Variants in USP43 observed in about 807,000 individuals in gnomAD.
USP43 encodes the protein ubiquitin carboxyl-terminal hydrolase 43.
Under a neutral mutation model 90.7 loss-of-function variants are expected in USP43, and 33 were observed. The observed-to-expected ratio is 0.36, with a 90% CI of 0.28 to 0.49. The LOEUF is 0.49. USP43 is among the 20% of genes least tolerant of loss of function. The probability of loss-of-function intolerance (pLI) is 0.98; values close to 1 mark genes in which losing one functional copy is unlikely to be tolerated. For missense variants in USP43, 1,274 were observed against 1,476.4 expected (o/e 0.86, Z 2.25); for synonymous variants, 598 against 615.8 (o/e 0.97, Z 0.43).
In USP43 at chr17:9,709,638, C is replaced by T. The variant is rs1916071394; in HGVS notation, c.2012-318C>T. Among the ~76,000 whole-genome samples, 1 of 152,068 alleles carries T rather than the reference C, an allele frequency of 6.6e-6. No homozygotes were observed. The highest frequency in any genetic ancestry group is 6.6e-5 in the Admixed American group (1 of 15,260). On this transcript the variant is annotated intron_variant, in intron 12 of 14. Coordinates refer to ENST00000285199, the MANE Select transcript of USP43 (RefSeq NM_153210.5). This position sits in a 1 kb window ranked among gnomAD's most constrained non-coding sequence, Gnocchi z 5.0. ...GGCTGAGGCAGGAGAATCACTGGAA[C>T]CCGGGGGGTGGAGGTTGCCGTGAGC...
chr17:9,717,228 C>T (rs540722739), intron 14 of USP43, among the ~76,000 whole-genome samples: 7 of 150,538 alleles, frequency 4.6e-5, no homozygotes, highest in African/African-American at 1.2e-4. Context: ...TATTGCGGTT[C>T]GGTTTCAGAG....
At chr17:9,698,958 G>A (rs1254557550) in intron 9 of USP43, among the ~76,000 whole-genome samples, 4 of 152,180 alleles carry the variant, frequency 2.6e-5, no homozygotes, top group African/African-American at 9.7e-5. Flanking sequence ...CTCCCTCATT[G>A]TGGAAATGGA....
intron 3 of USP43, among the ~76,000 whole-genome samples, chr17:9,671,279 A>AGT (rs61191393): frequency 0.011 from 1,655 of 149,664 alleles, 28 homozygotes; most frequent in African/African-American, 0.035. Context: ...TGGAGGAGGG[A>AGT]GTGTGTGTGT....
chr17:9,681,506 A>T (rs1432481402), intron 6 of USP43, among the ~76,000 whole-genome samples: 2 of 101,016 alleles, frequency 2.0e-5, no homozygotes, highest in Non-Finnish European at 3.9e-5. Flanking sequence ...ATATATATAT[A>T]TATTTGAGAT....
chr17:9,663,707 T>C (rs1435934763), intron 2 of USP43, among the ~76,000 whole-genome samples: 9 of 152,216 alleles, frequency 5.9e-5, no homozygotes, highest in Non-Finnish European at 1.3e-4. Flanking sequence ...CACTGCAACC[T>C]CTGCCTCCAG....
chr17:9,673,242 C>A (rs1375984658), intron 3 of USP43, among the ~76,000 whole-genome samples: 1 of 152,198 alleles, frequency 6.6e-6, no homozygotes, highest in Non-Finnish European at 1.5e-5. Context: ...GGCAGTGGCT[C>A]ACGCCTGTAA....
At chr17:9,707,047 T>G (rs1915925201) in intron 12 of USP43, among the ~76,000 whole-genome samples, 1 of 152,238 alleles carries the variant, frequency 6.6e-6, no homozygotes, top group South Asian at 2.1e-4. Context: ...ATAAATGCTA[T>G]CATACCATAG....
chr17:9,662,312 G>A (rs1256906035), intron 2 of USP43, among the ~76,000 whole-genome samples: 1 of 152,166 alleles, frequency 6.6e-6, no homozygotes, highest in Non-Finnish European at 1.5e-5. Context: ...GGTCCGCTAT[G>A]CATCCAAGTT....
At chr17:9,664,004 C>T (rs1012375376) in intron 2 of USP43, among the ~76,000 whole-genome samples, 1 of 152,188 alleles carries the variant, frequency 6.6e-6, no homozygotes, top group Non-Finnish European at 1.5e-5. Flanking sequence ...AGCCCCCACC[C>T]ACTGTGGCAC....
chr17:9,720,652 C>G (rs1181593463), intron 14 of USP43, among the ~76,000 whole-genome samples: 1 of 152,072 alleles, frequency 6.6e-6, no homozygotes, highest in African/African-American at 2.4e-5. Context: ...CCACGCCCGG[C>G]TAATTTTGTA....
intron 14 of USP43, among the ~76,000 whole-genome samples, chr17:9,717,152 C>T (rs1215381935): frequency 7.1e-6 from 1 of 139,948 alleles, no homozygotes; most frequent in Non-Finnish European, 1.5e-5. Context: ...GAGCGAGACT[C>T]CCTCTCAAAA....
chr17:9,682,991 G>A, intron 7 of USP43, 33 bp downstream of exon 7: 8 of 1,605,604 alleles, frequency 5.0e-6, no homozygotes, highest in Non-Finnish European at 6.8e-6. Context: ...TTCATGTGGT[G>A]TCTGGGATTT....
rs202041686 is a variant in USP43, at chr17:9,706,737, G to A, written c.2012-3219G>A. Among the ~76,000 whole-genome samples the A allele has an allele frequency of 1.2e-4, 17 of 142,034 alleles. No individual in the cohort carries two copies. In the East Asian group the frequency reaches 2.0e-3, roughly 16 times the overall value. The allele number at this position is 142,034 out of a possible 152,430, so 93.2% of individuals were successfully genotyped here. A position where few individuals can be genotyped will look rare whatever the true frequency, so the allele number is the denominator to read the frequency against. On this transcript the variant is annotated intron_variant, in intron 12 of 14. Coordinates refer to ENST00000285199, the MANE Select transcript of USP43 (RefSeq NM_153210.5). ...CGGCTCACTGCAACCTCTGCCTCCC[G>A]GGTTCTAGTGATTCTCCTGCCTCAG...
intron 1 of USP43, among the ~76,000 whole-genome samples, chr17:9,646,569 T>G (rs1482941651): frequency 1.3e-5 from 2 of 152,054 alleles, no homozygotes; most frequent in African/African-American, 2.4e-5. Context: ...AAGGATGCAG[T>G]CAGGGCAAGC....
Position 9,709,930 on chromosome 17 carries a change from C to T in USP43, c.2012-26C>T. On this transcript the variant is annotated intron_variant, in intron 12 of 14. Transcript: ENST00000285199. This position sits in a 1 kb window ranked among gnomAD's most constrained non-coding sequence, Gnocchi z 5.0. ...CCTACCTTTTGGGGCTCCAATAACT[C>T]AGACTTGGGGATGGGACCTTTGCAG... 1.4e-6 allele frequency: 2 copies of T among 1,391,638 alleles called. No homozygotes were observed. Among genetic ancestry groups the T allele is most frequent in the Non-Finnish European group, 1.9e-6 (2 of 1,063,220 alleles). 86.2% of individuals were successfully genotyped at this position (1,391,638 alleles called of 1,614,324 possible).
rs186117958 is a variant in USP43 at position 9,697,148 on chromosome 17, C to T, written c.1458-3024C>T. Among the ~76,000 whole-genome samples, 272 of 152,194 alleles carry T rather than the reference C, an allele frequency of 1.8e-3. 2 individuals are homozygous for T. The highest frequency in any genetic ancestry group is 4.8e-3 in the African/African-American group (201 of 41,526). ...AGGAGAATCGCTTGAACCCAGGATG[C>T]GGAGCTTGCAGTGAGCCGAGATTGT... On this transcript the variant is annotated intron_variant, in intron 9 of 14. Transcript: ENST00000285199.
In USP43 at chr17:9,712,012, G is replaced by A. The variant is rs75472522; in HGVS notation, c.2215G>A (p.Gly739Arg). Reference sequence around the variant, plus strand: ...GTCTGATCACTGGCTCTTACGGCTCGGGAGCCACGCTGGCAGCACAAGGGG... The same window carrying A: ...GTCTGATCACTGGCTCTTACGGCTCAGGAGCCACGCTGGCAGCACAAGGGG... ...SLSDHWLLRL[G>R]SHAGSTRGSL... The change falls in exon 14 of 15, where the codon GGG becomes AGG. Residue 739 changes from glycine (G) to arginine (R), a missense_variant. Physicochemically the swap from Gly to Arg is moderately radical, Grantham distance 125 (BLOSUM62 -2). Coordinates refer to ENST00000285199, the MANE Select transcript of USP43 (RefSeq NM_153210.5). 58 of 1,577,946 alleles carry A rather than the reference G, an allele frequency of 3.7e-5. No individual in the cohort carries two copies. Among genetic ancestry groups the A allele is most frequent in the African/African-American group, 9.5e-5 (7 of 73,638 alleles).
rs371106010 is a variant in USP43, at chr17:9,709,572, C to T, written c.2012-384C>T. Among the ~76,000 whole-genome samples, 20 of 151,850 alleles carry T rather than the reference C, an allele frequency of 1.3e-4. No homozygotes were observed. Among genetic ancestry groups the T allele is most frequent in the African/African-American group, 4.1e-4 (17 of 41,394 alleles). ...CTCTAATAAAAATATAAATATTAGC[C>T]GGGTGTGGTGGCAGGCAACTGTAAT... On this transcript the variant is annotated intron_variant, in intron 12 of 14. Coordinates refer to ENST00000285199, the MANE Select transcript of USP43 (RefSeq NM_153210.5). The surrounding 1 kb of genome is among the most constrained non-coding windows in gnomAD (Gnocchi z 5.0).
intron 2 of USP43, among the ~76,000 whole-genome samples, chr17:9,665,699 G>A (rs1054369203): frequency 1.3e-5 from 2 of 152,118 alleles, no homozygotes; most frequent in Admixed American, 6.5e-5. Context: ...CTTGAGATGG[G>A]GTCATTAACC....
Sources: allele counts gnomAD v4.1 joint callset (sites outside exome capture counted in the v4.1 genomes callset), GRCh38; gene constraint gnomAD v4.1.1; non-coding constraint Gnocchi (gnomAD v3.1); transcripts MANE v1.5; gene names NCBI Gene and HGNC (gene_info 2026-07-23, HGNC 2026-07-21).